USP34: variants seen among roughly 807,000 people sequenced by gnomAD.
USP34 encodes ubiquitin carboxyl-terminal hydrolase 34.
In USP34, 70 loss-of-function variants were observed where a neutral mutation model predicts 460.3. The ratio of observed to expected loss-of-function variants is 0.15; its 90% CI spans 0.13 to 0.19. USP34 has a LOEUF of 0.19. USP34 is among the 10% of genes least tolerant of loss of function. USP34 has a pLI of 1.00. For synonymous variants in USP34, 1,647 were observed against 1,405.3 expected (o/e 1.17, Z -3.85); for missense variants, 3,985 against 4,236.2 (o/e 0.94, Z 1.65).
intron 57 of USP34, among the ~76,000 whole-genome samples, chr2:61,234,463 T>G (rs1055125653): frequency 6.6e-6 from 1 of 152,100 alleles, no homozygotes; most frequent in Admixed American, 6.5e-5. Context: ...AGGCATAAAC[T>G]GATCTACTGA....
intron 76 of USP34, among the ~76,000 whole-genome samples, chr2:61,191,770 C>G (rs1686651037): frequency 6.6e-6 from 1 of 152,158 alleles, no homozygotes; most frequent in African/African-American, 2.4e-5. Flanking sequence ...AACCAAGAAA[C>G]TACCCAAATC....
intron 3 of USP34, among the ~76,000 whole-genome samples, chr2:61,403,933 C>CA (rs972563793): frequency 3.0e-5 from 4 of 132,394 alleles, no homozygotes; most frequent in Non-Finnish European, 6.2e-5. Context: ...GCGGAGCTTG[C>CA]AGTGAGCCGA....
intron 1 of USP34, among the ~76,000 whole-genome samples, chr2:61,427,116 C>T (rs578041506): frequency 1.3e-5 from 2 of 152,348 alleles, no homozygotes; most frequent in South Asian, 4.1e-4. Context: ...CAAGCTCTGC[C>T]TCCCAGGTTC....
intron 1 of USP34, among the ~76,000 whole-genome samples, chr2:61,456,509 G>C (rs1393638938): frequency 6.6e-6 from 1 of 152,150 alleles, no homozygotes; most frequent in South Asian, 2.1e-4. Flanking sequence ...GTGGTATGAA[G>C]ATGTGGTATA....
At position 61,220,471 on chromosome 2, in the gene USP34, G is replaced by A. The variant is rs772905272; in HGVS notation, c.7900-14C>T. ...GTATTCAATCACCTACAAATAACAT[G>A]ACAAGAACAGAATATAAGGCCAACT... On this transcript the variant is annotated splice_polypyrimidine_tract_variant and intron_variant, in intron 66 of 79. Coordinates refer to ENST00000398571, the MANE Select transcript of USP34 (RefSeq NM_014709.4). 1 of 1,597,864 alleles carries A rather than the reference G, an allele frequency of 6.3e-7. No individual in the cohort carries two copies. Among genetic ancestry groups the A allele is most frequent in the South Asian group, 1.1e-5 (1 of 88,052 alleles).
At chr2:61,267,443 ATTTT>A (rs1247110202) in intron 41 of USP34, among the ~76,000 whole-genome samples, 1 of 142,770 alleles carries the variant, frequency 7.0e-6, no homozygotes, top group Non-Finnish European at 1.5e-5. Flanking sequence ...TGGTTAGGAG[ATTTT>A]TTTTTTTTTT....
intron 19 of USP34, among the ~76,000 whole-genome samples, chr2:61,331,619 T>G (rs1025838062): frequency 1.3e-5 from 2 of 152,170 alleles, no homozygotes; most frequent in Admixed American, 1.3e-4. Context: ...CTATTATCAA[T>G]GACTAATTTG....
At chr2:61,259,655 T>C (rs1464614953) in intron 44 of USP34, 56 bp downstream of exon 44, 13 of 1,556,414 alleles carry the variant, frequency 8.4e-6, no homozygotes, top group Non-Finnish European at 1.1e-5. Context: ...CAAAATGCTA[T>C]AATTACAGGC....
chr2:61,240,453 T>G (rs1447377952), intron 53 of USP34, among the ~76,000 whole-genome samples: 5 of 152,220 alleles, frequency 3.3e-5, no homozygotes, highest in Admixed American at 3.3e-4. Flanking sequence ...TAATTCTTTG[T>G]ATTTTTAGTA....
intron 21 of USP34, among the ~76,000 whole-genome samples, chr2:61,321,088 G>A (rs779443402): frequency 1.3e-5 from 2 of 151,838 alleles, no homozygotes; most frequent in South Asian, 2.1e-4. Flanking sequence ...AGGTGGGAAG[G>A]CTCTTCGAGC....
chr2:61,353,072 C>G (rs1342820965), intron 10 of USP34, among the ~76,000 whole-genome samples: 2 of 152,224 alleles, frequency 1.3e-5, no homozygotes, highest in East Asian at 3.9e-4. Flanking sequence ...CACGCACACT[C>G]CCAACCTGCC....
intron 5 of USP34, 87 bp from the exon 6 acceptor site, chr2:61,383,423 G>A: frequency 9.8e-7 from 1 of 1,019,464 alleles, no homozygotes; most frequent in East Asian, 2.6e-5. Context: ...CAAGAGCATT[G>A]GCCAGGCACG....
intron 27 of USP34, among the ~76,000 whole-genome samples, chr2:61,310,012 C>T (rs1690538635): frequency 1.3e-5 from 2 of 152,002 alleles, no homozygotes. Flanking sequence ...TAAAAACATA[C>T]ATGGAGGTAA....
chr2:61,338,248 G>A (rs1312964786), intron 18 of USP34, among the ~76,000 whole-genome samples: 2 of 152,168 alleles, frequency 1.3e-5, no homozygotes, highest in Admixed American at 6.5e-5. Context: ...TTGAATGCGG[G>A]AGGCAGAGGT....
At position 61,396,211 on chromosome 2, in the gene USP34, C is replaced by T. The variant is rs142894374; in HGVS notation, c.553-978G>A. 5.5e-3 allele frequency among the ~76,000 whole-genome samples: 835 copies of T among 152,266 alleles called. 5 individuals carry two copies. The highest frequency in any genetic ancestry group is 0.019 in the African/African-American group (790 of 41,542). Reference sequence around the variant, plus strand: ...CCTAGAGGTATACTGAAGAGTTACACGTGCTTCCATTGCATAAGATTTCAA... The same window carrying T: ...CCTAGAGGTATACTGAAGAGTTACATGTGCTTCCATTGCATAAGATTTCAA... On this transcript the variant is annotated intron_variant, in intron 3 of 79. Transcript: ENST00000398571.
At chr2:61,454,488 G>A (rs7568346) in intron 1 of USP34, among the ~76,000 whole-genome samples, 4,633 of 152,104 alleles carry the variant, frequency 0.03, 245 homozygotes, top group African/African-American at 0.11. Flanking sequence ...TGGATCCATG[G>A]AGTTATAGAG....
chr2:61,383,923 CT>C (rs1020396941), intron 5 of USP34, among the ~76,000 whole-genome samples: 5 of 152,140 alleles, frequency 3.3e-5, no homozygotes, highest in African/African-American at 7.2e-5. Context: ...ACAAAACCAT[CT>C]CTCAAAGTAA....
At chr2:61,189,955 GA>G in intron 78 of USP34, 1 of 217,844 alleles carries the variant, frequency 4.6e-6, no homozygotes, top group Non-Finnish European at 8.9e-6. Flanking sequence ...AGTTACATAG[GA>G]GCCATAGGCA....
chr2:61,408,006 T>C (rs899201950), intron 2 of USP34, among the ~76,000 whole-genome samples: 121 of 152,236 alleles, frequency 7.9e-4, no homozygotes, highest in African/African-American at 2.8e-3. Context: ...TCCCAGCTAC[T>C]TGGGATGCTA....
Sources: gnomAD v4.1 joint callset for allele counts (sites outside exome capture counted in the v4.1 genomes callset) on GRCh38, gnomAD v4.1.1 for gene constraint, MANE v1.5 for transcripts, NCBI Gene and HGNC (gene_info 2026-07-23, HGNC 2026-07-21) for gene names.